The following ARHGAP17 variants were observed in gnomAD, a reference collection of about 807,000 sequenced individuals.
ARHGAP17 encodes Rho GTPase activating protein 17.
A neutral mutation model predicts 99.5 loss-of-function variants in ARHGAP17; 57 were observed. That is an observed-to-expected ratio of 0.57 (90% CI 0.46 to 0.71). ARHGAP17 has a LOEUF of 0.71. ARHGAP17 is among the 30% of genes least tolerant of loss of function. The pLI is 0.00. For missense variants in ARHGAP17, 1,000 were observed against 1,122.4 expected (o/e 0.89, Z 1.56); for synonymous variants, 417 against 429.6 (o/e 0.97, Z 0.36).
chr16:24,941,962 T>C, intron 16 of ARHGAP17, 25 bp downstream of exon 16: 1 of 1,613,774 alleles, frequency 6.2e-7, no homozygotes, highest in Non-Finnish European at 8.5e-7. Context: ...TACTGCTGGT[T>C]TGGAAGTGAA....
intron 3 of ARHGAP17, among the ~76,000 whole-genome samples, 156 bp downstream of exon 3, chr16:24,977,059 A>G (rs1567244915): frequency 1.3e-5 from 2 of 152,230 alleles, no homozygotes; most frequent in African/African-American, 2.4e-5. Flanking sequence ...AACACAAAAG[A>G]ATGCTATGGT....
chr16:24,919,803 G>A lies in ARHGAP17; in HGVS notation c.*327C>T, dbSNP rs11557161. 4.1e-5 allele frequency: 8 copies of A among 196,870 alleles called. No homozygotes were observed. The highest frequency in any genetic ancestry group is 3.4e-4 in the Admixed American group (6 of 17,714). The allele number at this position is 196,870 out of a possible 1,614,324, so 12.2% of individuals were successfully genotyped here. ...TTCCAAGTTGCTGTAGGTGCTGCCC[G>A]CATTAACAGCAGGGACAAAAGCTTC... On this transcript the variant is annotated 3_prime_UTR_variant, in exon 20 of 20. Transcript: ENST00000289968.
At position 24,939,433 on chromosome 16, in the gene ARHGAP17, C is replaced by T. The variant is rs762104093; in HGVS notation, c.1655G>A (p.Ser552Asn). The T allele has an allele frequency of 2.5e-6, 4 of 1,612,108 alleles. No individual in the cohort carries two copies. The Admixed American group carries it at 6.7e-5, about 27-fold the overall frequency. The change falls in exon 17 of 20, where the codon AGC becomes AAC. Residue 552 changes from serine to asparagine, a missense_variant. This residue lies in a region of ARHGAP17 where 528 missense variants were observed against 511.4 expected (regional missense o/e 1.03). Transcript: ENST00000289968. ...AGAGGGGACAGTCCCACCCCCAGAG[C>T]TGCTTTCAGCCCTAGAGCTCTGGGG... ...PPPQSSRAES[S>N]SGGGTVPSSA...
chr16:24,978,762 G>A (rs957455674), intron 2 of ARHGAP17, among the ~76,000 whole-genome samples: 2 of 151,064 alleles, frequency 1.3e-5, no homozygotes, highest in Non-Finnish European at 2.9e-5. Flanking sequence ...CGTGAGATTC[G>A]AACCCAGGTA....
At chr16:24,982,684 C>T (rs1252949192) in intron 1 of ARHGAP17, among the ~76,000 whole-genome samples, 2 of 152,052 alleles carry the variant, frequency 1.3e-5, no homozygotes, top group South Asian at 4.1e-4. Flanking sequence ...TGCTTCCTAT[C>T]GTGAACTGTT....
rs566929405 is a variant in ARHGAP17 at position 24,939,580 on chromosome 16, A to C, written c.1508T>G (p.Met503Arg). Residue 503 changes from methionine (M) to arginine (R), a missense_variant, in exon 17 of 20, where the codon ATG (methionine) becomes AGG (arginine). By Grantham distance (91) the Met-to-Arg change is moderately conservative. This residue lies in a region of ARHGAP17 where 528 missense variants were observed against 511.4 expected (regional missense o/e 1.03). Transcript: ENST00000289968. ...ACCCCGCCGGTGGGCCTGGAAGTCC[A>C]TAAGCTTCACACCAAAGCTACACAG... is the stretch of plus-strand genomic sequence containing the variant. ...VKKESFGVKL[M>R]DFQAHRRGGT... 3 of 1,606,796 alleles carry C rather than the reference A, an allele frequency of 1.9e-6. No homozygotes were observed. The highest frequency in any genetic ancestry group is 1.3e-5 in the African/African-American group (1 of 75,020).
intron 1 of ARHGAP17, among the ~76,000 whole-genome samples, chr16:24,999,357 A>G (rs939483672): frequency 4.6e-5 from 7 of 152,154 alleles, no homozygotes; most frequent in African/African-American, 1.4e-4. Flanking sequence ...ATATAATAAA[A>G]CAGACAGAAG....
At chr16:24,926,991 C>T (rs1306256938) in intron 19 of ARHGAP17, among the ~76,000 whole-genome samples, 1 of 152,086 alleles carries the variant, frequency 6.6e-6, no homozygotes, top group Non-Finnish European at 1.5e-5. Context: ...AAATAGCAGG[C>T]CAGGCACAAT....
At chr16:25,010,947 G>A (rs2053628801) in intron 1 of ARHGAP17, among the ~76,000 whole-genome samples, 1 of 152,194 alleles carries the variant, frequency 6.6e-6, no homozygotes, top group African/African-American at 2.4e-5. Context: ...CTTCAGTCAG[G>A]GAAGAAATCA....
intron 1 of ARHGAP17, among the ~76,000 whole-genome samples, chr16:24,985,116 G>C (rs907180333): frequency 2.0e-5 from 3 of 152,190 alleles, no homozygotes; most frequent in Non-Finnish European, 2.9e-5. Context: ...ATTTGTGGTT[G>C]TCATGATGGG....
chr16:25,015,356 CGCG>C lies in ARHGAP17; in HGVS notation c.-98_-96del. 8.7e-7 allele frequency: 1 copy of C among 1,145,268 alleles called. No individual in the cohort carries two copies. The highest frequency in any genetic ancestry group is 1.1e-6 in the Non-Finnish European group (1 of 914,048). The allele number at this position is 1,145,268 out of a possible 1,614,324, so 70.9% of individuals were successfully genotyped here. A position where few individuals can be genotyped will look rare whatever the true frequency, so the allele number is the denominator to read the frequency against. Reference sequence around the variant, plus strand: ...CATCGCTTCCCGGCCCAAACGGCGGCGCGGCGGTGGCTCCCCGGGCCGGCGGCC... The same window carrying C: ...CATCGCTTCCCGGCCCAAACGGCGGCGCGGTGGCTCCCCGGGCCGGCGGCC... On this transcript the variant is annotated 5_prime_UTR_variant, in exon 1 of 20. Coordinates refer to ENST00000289968, the MANE Select transcript of ARHGAP17 (RefSeq NM_001006634.3).
intron 9 of ARHGAP17, among the ~76,000 whole-genome samples, chr16:24,958,722 G>A (rs2141262849): frequency 6.6e-6 from 1 of 152,280 alleles, no homozygotes; most frequent in East Asian, 1.9e-4. Context: ...TCTTGAAGGT[G>A]CTGGTATGTA....
intron 1 of ARHGAP17, among the ~76,000 whole-genome samples, chr16:24,982,173 G>GT (rs1431563703): frequency 6.6e-6 from 1 of 152,078 alleles, no homozygotes; most frequent in African/African-American, 2.4e-5. Flanking sequence ...GGAAGCCAAG[G>GT]TGGGTGGATC....
intron 15 of ARHGAP17, 137 bp downstream of exon 15, chr16:24,943,634 A>G: frequency 1.4e-6 from 1 of 714,270 alleles, no homozygotes. Flanking sequence ...GCAATGAACA[A>G]AGGCTGGAAA....
intron 16 of ARHGAP17, 72 bp from the exon 17 acceptor site, chr16:24,939,669 T>G: frequency 8.1e-6 from 12 of 1,484,336 alleles, no homozygotes; most frequent in Non-Finnish European, 1.0e-5. Flanking sequence ...TCGGTCCACA[T>G]GTGTTAAAAC....
intron 18 of ARHGAP17, among the ~76,000 whole-genome samples, chr16:24,934,208 T>A (rs912010991): frequency 1.3e-5 from 2 of 152,250 alleles, no homozygotes. Context: ...TTGGCCAGGC[T>A]GGGGTGCAGT....
intron 1 of ARHGAP17, among the ~76,000 whole-genome samples, chr16:25,006,494 T>G (rs1567271743): frequency 6.6e-6 from 1 of 151,702 alleles, no homozygotes; most frequent in Admixed American, 6.6e-5. Context: ...AGGCAGAATT[T>G]CCAGTCTCCT....
At chr16:25,015,127 G>T in intron 1 of ARHGAP17, 82 bp downstream of exon 1, 1 of 1,178,142 alleles carries the variant, frequency 8.5e-7, no homozygotes, top group African/African-American at 1.6e-5. Context: ...CCGCCGGACC[G>T]CGGAGGAGCC....
At chr16:24,988,490 C>G (rs942203677) in intron 1 of ARHGAP17, among the ~76,000 whole-genome samples, 5 of 152,070 alleles carry the variant, frequency 3.3e-5, no homozygotes, top group African/African-American at 1.2e-4. Flanking sequence ...TGGTATTTTG[C>G]CCATGTATTT....
Sources: allele counts gnomAD v4.1 joint callset (sites outside exome capture counted in the v4.1 genomes callset), GRCh38; gene constraint gnomAD v4.1.1; regional missense constraint gnomAD v4.1.1; transcripts MANE v1.5; gene names NCBI Gene and HGNC (gene_info 2026-07-23, HGNC 2026-07-21).